SP140: variants seen among roughly 807,000 people sequenced by gnomAD.
SP140 encodes nuclear body protein SP140.
A neutral mutation model predicts 125.0 loss-of-function variants in SP140; 81 were observed. That is an observed-to-expected ratio of 0.65 (90% CI 0.54 to 0.78). The LOEUF is 0.78. Among genes scored for constraint, SP140 ranks in the 30% least tolerant of loss-of-function variants. The pLI is 0.00. For synonymous variants in SP140, 312 were observed against 354.0 expected (o/e 0.88, Z 1.33); for missense variants, 858 against 1,037.0 (o/e 0.83, Z 2.37).
chr2:230,241,962 G>C (rs989103489), intron 4 of SP140, among the ~76,000 whole-genome samples: 3 of 152,142 alleles, frequency 2.0e-5, no homozygotes, highest in Non-Finnish European at 4.4e-5. Context: ...CAGTCCAAGA[G>C]GGGAGTTTGG....
chr2:230,219,864 A>G lies in SP140; in HGVS notation c.-91+5790A>G, dbSNP rs185211336. 1.3e-4 allele frequency: 124 copies of G among 970,570 alleles called. No homozygotes were observed. The African/African-American group carries it at 2.1e-3, about 16-fold the overall frequency. The allele number at this position is 970,570 out of a possible 1,614,324, so 60.1% of individuals were successfully genotyped here. On this transcript the variant is annotated intron_variant, in intron 3 of 4. Coordinates refer to the SP140 transcript ENST00000456542. ...GAGCGAAGAATAAAGCAGCAAAGAC[A>G]GAAACTCACCTGGACTTTGAGTTTG...
intron 3 of SP140, among the ~76,000 whole-genome samples, chr2:230,240,035 GACTGCCC>G (rs2048504166): frequency 1.3e-5 from 2 of 152,150 alleles, no homozygotes; most frequent in African/African-American, 4.8e-5. Flanking sequence ...TGAGGCTCAC[GACTGCCC>G]ACTGCCTCAG....
At chr2:230,230,465 T>C (rs545100429) in intron 1 of SP140, 2 of 152,370 alleles carry the variant, frequency 1.3e-5, no homozygotes, top group East Asian at 3.9e-4. Flanking sequence ...TGAACCATAA[T>C]TCTAATCTTG....
intron 12 of SP140, 31 bp downstream of exon 12, chr2:230,255,563 G>A: frequency 4.4e-6 from 7 of 1,601,342 alleles, no homozygotes; most frequent in Non-Finnish European, 6.0e-6. Flanking sequence ...TTCTGGCCCT[G>A]GGCTGCAGAG....
chr2:230,202,693 G>C (rs1056828943), upstream of SP140: 9 of 1,613,968 alleles, frequency 5.6e-6, no homozygotes, highest in Admixed American at 1.3e-4. Flanking sequence ...ACCCTTTTGA[G>C]CTTCTTTTGG....
chr2:230,208,741 C>G (rs1482044785), intron 1 of SP140, among the ~76,000 whole-genome samples: 1 of 152,190 alleles, frequency 6.6e-6, no homozygotes, highest in African/African-American at 2.4e-5. Flanking sequence ...AGTGAGTGCA[C>G]TCTGCCCTGC....
In SP140 at chr2:230,211,759, T is replaced by A. The variant is rs1179173487; in HGVS notation, c.-322-1895T>A. Among the ~76,000 whole-genome samples, 2 of 152,172 alleles carry A rather than the reference T, an allele frequency of 1.3e-5. No homozygotes were observed. Among genetic ancestry groups the A allele is most frequent in the Admixed American group, 1.3e-4 (2 of 15,286 alleles). On this transcript the variant is annotated intron_variant, in intron 1 of 4. Transcript: ENST00000456542. This position sits in a 1 kb window ranked among gnomAD's most constrained non-coding sequence, Gnocchi z 4.2. ...TCTTCCATTGCTGTTAGCTTCCTGA[T>A]TATGTTAACCTTTTTGGATGGTAGG... is the stretch of plus-strand genomic sequence containing the variant.
intron 3 of SP140, among the ~76,000 whole-genome samples, chr2:230,239,613 A>G (rs964155292): frequency 2.0e-5 from 3 of 152,056 alleles, no homozygotes; most frequent in African/African-American, 7.2e-5. Flanking sequence ...CACCCGGTTA[A>G]TTCTTTTGTA....
At chr2:230,277,943 T>G (rs1398665144) in intron 15 of SP140, among the ~76,000 whole-genome samples, 1 of 152,174 alleles carries the variant, frequency 6.6e-6, no homozygotes, top group East Asian at 1.9e-4. Flanking sequence ...GCAATGAACA[T>G]GTGGATGCAG....
intron 1 of SP140, among the ~76,000 whole-genome samples, chr2:230,206,249 C>A (rs2043785055): frequency 6.6e-6 from 1 of 152,130 alleles, no homozygotes; most frequent in Non-Finnish European, 1.5e-5. Context: ...ATCCTTCCCA[C>A]ACAACTGGCT....
At position 230,299,863 on chromosome 2, in the gene SP140, T is replaced by C. The variant is rs569762189; in HGVS notation, c.2058+2401T>C. Among the ~76,000 whole-genome samples the C allele has an allele frequency of 2.0e-5, 3 of 152,232 alleles. No homozygotes were observed. The East Asian group carries it at 5.8e-4, about 29-fold the overall frequency. On this transcript the variant is annotated intron_variant, in intron 22 of 26. Coordinates refer to ENST00000392045, the MANE Select transcript of SP140 (RefSeq NM_007237.5). ...GGCTTCCCTTACTTATCTGGTGAAC[T>C]GTATGAAGCAGCAGAGGCAGGCATA...
In SP140 at chr2:230,310,828, C is replaced by A. The variant is rs748048668; in HGVS notation, c.2260C>A (p.Gln754Lys). 7 of 1,388,176 alleles carry A rather than the reference C, an allele frequency of 5.0e-6. No individual in the cohort carries two copies. In the South Asian group the frequency reaches 7.9e-5, roughly 16 times the overall value. 86.0% of individuals were successfully genotyped at this position (1,388,176 alleles called of 1,614,324 possible). Residue 754 changes from glutamine to lysine, a missense_variant, in exon 24 of 27, where the codon CAG becomes AAG. By Grantham distance (53) the Gln-to-Lys change is moderately conservative. Coordinates refer to ENST00000392045, the MANE Select transcript of SP140 (RefSeq NM_007237.5). ...TCAGGAATCTGAGGTCCTGGAGAGGCAGATGTGTCCTGAGGAACAGTTGGT... is the reference window on the plus strand; with the variant it reads ...TCAGGAATCTGAGGTCCTGGAGAGGAAGATGTGTCCTGAGGAACAGTTGGT... Reference protein sequence around the residue: ...CCQESEVLERQMCPEEQLKCE... With the variant: ...CCQESEVLERKMCPEEQLKCE...
chr2:230,250,710 C>A (rs1559257125), intron 9 of SP140, among the ~76,000 whole-genome samples: 1 of 152,066 alleles, frequency 6.6e-6, no homozygotes, highest in East Asian at 1.9e-4. Flanking sequence ...AGGGCAAAGG[C>A]AGAAGAAATG....
chr2:230,275,638 A>G (rs1291953146), intron 15 of SP140, among the ~76,000 whole-genome samples: 1 of 152,172 alleles, frequency 6.6e-6, no homozygotes, highest in East Asian at 1.9e-4. Flanking sequence ...TAATAATCCT[A>G]CAATGGCCTC....
downstream of SP140, among the ~76,000 whole-genome samples, chr2:230,314,523 A>T (rs1486114664): frequency 1.3e-5 from 2 of 152,260 alleles, no homozygotes; most frequent in East Asian, 1.9e-4. Context: ...CTAGCCTGGC[A>T]TGGGCCAAAG....
At chr2:230,234,459 GTCTA>G (rs1360937822) in intron 1 of SP140, among the ~76,000 whole-genome samples, 10 of 152,212 alleles carry the variant, frequency 6.6e-5, no homozygotes, top group South Asian at 2.1e-4. Flanking sequence ...TTGAGTCCTT[GTCTA>G]TCTAAGTATT....
the SP140 span, among the ~76,000 whole-genome samples, chr2:230,195,730 C>T: frequency 0.76 from 116,228 of 152,062 alleles, 44,543 homozygotes; most frequent in Admixed American, 0.83. Flanking sequence ...CCAGAAATTA[C>T]ACAGTTATGA....
chr2:230,285,682 C>T lies in SP140; in HGVS notation c.1565-70C>T, dbSNP rs536796618. 5.9e-3 allele frequency: 7,597 copies of T among 1,289,234 alleles called. 66 individuals carry two copies. Among genetic ancestry groups the T allele is most frequent in the Middle Eastern group, 0.027 (147 of 5,408 alleles). 79.9% of individuals were successfully genotyped at this position (1,289,234 alleles called of 1,614,324 possible). A position where few individuals can be genotyped will look rare whatever the true frequency, so the allele number is the denominator to read the frequency against. On this transcript the variant is annotated intron_variant, in intron 16 of 26. Transcript: ENST00000392045. ...ATGAGACCCAGGACTCCCTCACTTG[C>T]GTTTGTTCCTGCCTGACAGCTGTTG...
chr2:230,290,381 C>A, intron 18 of SP140, 79 bp from the exon 19 acceptor site: 1 of 1,293,938 alleles, frequency 7.7e-7, no homozygotes, highest in Non-Finnish European at 1.1e-6. Context: ...TCCCTCGTGT[C>A]TTTATAGGAA....
Sources: allele counts gnomAD v4.1 joint callset (sites outside exome capture counted in the v4.1 genomes callset), GRCh38; gene constraint gnomAD v4.1.1; non-coding constraint Gnocchi (gnomAD v3.1); transcripts MANE v1.5; gene names NCBI Gene and HGNC (gene_info 2026-07-23, HGNC 2026-07-21).